Variants in OTOF observed in about 807,000 individuals in gnomAD.
OTOF encodes otoferlin.
In OTOF, 218 loss-of-function variants were observed where a neutral mutation model predicts 236.8. The observed-to-expected ratio is 0.92, with a 90% CI of 0.82 to 1.03. The LOEUF (loss-of-function observed/expected upper bound fraction) is 1.03, where lower values mean the gene tolerates loss of function less well. Among genes scored for constraint, OTOF ranks in the 50% least tolerant of loss-of-function variants. The pLI is 0.00. For synonymous variants in OTOF, 1,041 were observed against 1,072.5 expected, an observed-to-expected ratio of 0.97 and a Z score of 0.57; for missense variants, 2,590 against 2,694.4, an observed-to-expected ratio of 0.96 and a Z score of 0.86.
At chr2:26,490,956 C>T (rs536449886) in intron 9 of OTOF, among the ~76,000 whole-genome samples, 24 of 152,074 alleles carry the variant, frequency 1.6e-4, no homozygotes, top group Non-Finnish European at 2.8e-4. Flanking sequence ...TCTGGGGAGG[C>T]GGGTGGGGAT....
Position 26,484,509 on chromosome 2 carries a change from G to C in OTOF, c.1170C>G (p.His390Gln), listed in dbSNP as rs901390236. 2 of 1,613,950 alleles carry C rather than the reference G, an allele frequency of 1.2e-6. No homozygotes were observed. Among genetic ancestry groups the C allele is most frequent in the African/African-American group, 2.7e-5 (2 of 74,934 alleles). Residue 390 changes from histidine to glutamine, a missense_variant, in exon 12 of 47, where the codon CAC (histidine) becomes CAG (glutamine). His to Gln is a conservative substitution (Grantham distance 24). Around this residue, in one of 2 missense-constraint regions of OTOF, gnomAD observed 1,379 missense variants for 1,341.6 expected, o/e 1.03. Coordinates refer to ENST00000272371, the MANE Select transcript of OTOF (RefSeq NM_194248.3). ...CATCTTCGTCGGTCTCATTGGCCTTGTGGGGCGTCTTGATGTTGTCCCCTT... is the reference window on the plus strand; with the variant it reads ...CATCTTCGTCGGTCTCATTGGCCTTCTGGGGCGTCTTGATGTTGTCCCCTT... ...VGKGDNIKTP[H>Q]KANETDEDDI...
chr2:26,538,147 C>T (rs1667120840), intron 1 of OTOF, among the ~76,000 whole-genome samples: 1 of 152,218 alleles, frequency 6.6e-6, no homozygotes, highest in Non-Finnish European at 1.5e-5. Context: ...CTGCTGGTGG[C>T]TCCGGGCCCT....
intron 5 of OTOF, among the ~76,000 whole-genome samples, chr2:26,511,309 C>T (rs1572464087): frequency 6.6e-6 from 1 of 152,082 alleles, no homozygotes; most frequent in African/African-American, 2.4e-5. Flanking sequence ...GGGGGCAGTT[C>T]TAGGGGTGTA....
At chr2:26,505,090 T>C (rs566125205) in intron 5 of OTOF, among the ~76,000 whole-genome samples, 1 of 152,202 alleles carries the variant, frequency 6.6e-6, no homozygotes, top group African/African-American at 2.4e-5. Flanking sequence ...GCCAATCTTA[T>C]TCCCCAAACC....
At chr2:26,526,086 CAAAAAAA>C (rs796661291) in intron 3 of OTOF, among the ~76,000 whole-genome samples, 2 of 58,432 alleles carry the variant, frequency 3.4e-5, no homozygotes, top group African/African-American at 5.4e-5. Flanking sequence ...GACTCTGTCT[CAAAAAAA>C]AAAAAAAAAA....
chr2:26,528,121 A>C (rs1666855845), intron 2 of OTOF, among the ~76,000 whole-genome samples: 1 of 151,866 alleles, frequency 6.6e-6, no homozygotes. Flanking sequence ...ATTGTTGCCC[A>C]CTCCTCTTTC....
chr2:26,546,907 T>C (rs1473684554), intron 1 of OTOF, among the ~76,000 whole-genome samples: 1 of 152,216 alleles, frequency 6.6e-6, no homozygotes, highest in African/African-American at 2.4e-5. Flanking sequence ...TTTAATAGAT[T>C]CCTTAGGATT....
In OTOF at chr2:26,480,813, C is replaced by T. The variant is rs1476034927; in HGVS notation, c.1776G>A (p.Gln592=). The change falls in exon 15 of 47, where the codon CAG becomes CAA. Residue 592 remains glutamine (Q), a synonymous_variant. Coordinates refer to ENST00000272371, the MANE Select transcript of OTOF (RefSeq NM_194248.3). The part of the protein sequence containing the change: ...NPELTSSTEV[Q]VEQATPISES... The stretch of plus-strand genomic sequence containing the variant: ...CCGAGATGGGCGTGGCCTGCTCCAC[C>T]TGCACCTCTGTGGAGCTGGTGAGCT... 3 of 1,612,676 alleles carry T rather than the reference C, an allele frequency of 1.9e-6. No homozygotes were observed. In the Admixed American group the frequency reaches 5.0e-5, roughly 27 times the overall value.
At chr2:26,489,163 C>T (rs1665772003) in intron 11 of OTOF, 48 bp downstream of exon 11, 1 of 1,385,458 alleles carries the variant, frequency 7.2e-7, no homozygotes, top group Non-Finnish European at 1.0e-6. Context: ...GCACCACGCT[C>T]CCTGAGCCAT....
intron 5 of OTOF, among the ~76,000 whole-genome samples, chr2:26,513,899 A>C (rs1243369051): frequency 6.6e-6 from 1 of 152,154 alleles, no homozygotes; most frequent in Non-Finnish European, 1.5e-5. Context: ...CTATGTGACA[A>C]GGGTGAGATG....
chr2:26,525,626 A>G (rs1243254772), intron 3 of OTOF, among the ~76,000 whole-genome samples: 1 of 152,166 alleles, frequency 6.6e-6, no homozygotes, highest in Non-Finnish European at 1.5e-5. Context: ...TTTGTTCACT[A>G]TATGTATGAT....
chr2:26,460,267 C>A lies in OTOF; in HGVS notation c.5814-62G>T. On this transcript the variant is annotated intron_variant, in intron 45 of 46. Transcript: ENST00000272371. The surrounding 1 kb of genome is among the most constrained non-coding windows in gnomAD (Gnocchi z 5.3). ...AGGGAGGAGAAGGGATTGGGTGTGG[C>A]GAGGGGCCAAGACCAAGAGGGAAGC... 7.3e-7 allele frequency: 1 copy of A among 1,378,890 alleles called. No individual in the cohort carries two copies. Among genetic ancestry groups the A allele is most frequent in the Non-Finnish European group, 1.0e-6 (1 of 988,972 alleles). The allele number at this position is 1,378,890 out of a possible 1,614,324, so 85.4% of individuals were successfully genotyped here.
intron 1 of OTOF, among the ~76,000 whole-genome samples, chr2:26,545,981 A>G (rs1667320695): frequency 1.3e-5 from 2 of 152,232 alleles, no homozygotes; most frequent in African/African-American, 4.8e-5. Flanking sequence ...AGCCCCTCAT[A>G]TAGTTGAAAA....
chr2:26,515,402 T>TTG (rs34418795), intron 5 of OTOF, among the ~76,000 whole-genome samples: 36,570 of 151,648 alleles, frequency 0.24, 5,326 homozygotes, highest in East Asian at 0.36. Context: ...TTTCTGAAGC[T>TTG]TGTGTGTGTG....
intron 11 of OTOF, among the ~76,000 whole-genome samples, chr2:26,486,626 A>G (rs2148063933): frequency 6.6e-6 from 1 of 152,354 alleles, no homozygotes; most frequent in South Asian, 2.1e-4. Context: ...TGAAGGTTAC[A>G]GGGTGACAGA....
chr2:26,507,629 C>A (rs1013502559), intron 5 of OTOF, among the ~76,000 whole-genome samples: 1 of 152,096 alleles, frequency 6.6e-6, no homozygotes, highest in African/African-American at 2.4e-5. Flanking sequence ...GAGAAACAGA[C>A]AAAGAAAACA....
At chr2:26,515,892 G>A (rs115444754) in intron 5 of OTOF, among the ~76,000 whole-genome samples, 1,995 of 152,346 alleles carry the variant, frequency 0.013, 19 homozygotes, top group Non-Finnish European at 0.019. Context: ...CTTGCAGGGC[G>A]TGACGCTGGA....
At position 26,502,503 on chromosome 2, in the gene OTOF, C is replaced by T. The variant is rs1344017774; in HGVS notation, c.584-77G>A. The T allele has an allele frequency of 5.5e-6, 8 of 1,466,818 alleles. No individual in the cohort carries two copies. In the African/African-American group the frequency reaches 6.9e-5, roughly 13 times the overall value. The allele number at this position is 1,466,818 out of a possible 1,614,324, so 90.9% of individuals were successfully genotyped here. On this transcript the variant is annotated intron_variant, in intron 6 of 46. Coordinates refer to ENST00000272371, the MANE Select transcript of OTOF (RefSeq NM_194248.3). ...ACCATTTCTCCTTTTACTCTGGCAT[C>T]CAGAAAGCTGAGAGTTAAATTCGAG...
rs952601472 is a variant in OTOF, at chr2:26,473,393, G to A, written c.3570+13C>T. On this transcript the variant is annotated intron_variant, in intron 28 of 46. Coordinates refer to ENST00000272371, the MANE Select transcript of OTOF (RefSeq NM_194248.3). This position sits in a 1 kb window ranked among gnomAD's most constrained non-coding sequence, Gnocchi z 7.2. ...CTGGCCACAGGATGTCCTCCGCCAG[G>A]GCCTGCACTCACCACTTCAAACCAC... The A allele has an allele frequency of 5.0e-6, 8 of 1,613,226 alleles. No homozygotes were observed. The highest frequency in any genetic ancestry group is 1.6e-4 in the Middle Eastern group (1 of 6,084).
Sources: allele counts gnomAD v4.1 joint callset (sites outside exome capture counted in the v4.1 genomes callset), GRCh38; gene constraint gnomAD v4.1.1; regional missense constraint gnomAD v4.1.1; non-coding constraint Gnocchi (gnomAD v3.1); transcripts MANE v1.5; gene names NCBI Gene and HGNC (gene_info 2026-07-23, HGNC 2026-07-21).